DIS3L2: variants seen among roughly 807,000 people sequenced by gnomAD.
DIS3L2 encodes DIS3-like exonuclease 2.
DIS3L2 carries 34 observed loss-of-function variants against 97.5 expected under a neutral mutation model. That is an observed-to-expected ratio of 0.35 (90% CI 0.27 to 0.46). DIS3L2 has a LOEUF of 0.46. DIS3L2 is among the 20% of genes least tolerant of loss of function. DIS3L2 has a pLI of 1.00. For missense variants in DIS3L2, 1,038 were observed against 1,146.0 expected, an observed-to-expected ratio of 0.91 and a Z score of 1.36; for synonymous variants, 435 against 445.2, an observed-to-expected ratio of 0.98 and a Z score of 0.29.
chr2:232,087,230 T>C (rs1474166550), intron 5 of DIS3L2, among the ~76,000 whole-genome samples: 3 of 152,074 alleles, frequency 2.0e-5, no homozygotes. Flanking sequence ...AAAATGTAGA[T>C]CAGAAATATG....
intron 6 of DIS3L2, among the ~76,000 whole-genome samples, chr2:232,095,939 T>C (rs915621190): frequency 6.6e-5 from 10 of 152,096 alleles, no homozygotes; most frequent in African/African-American, 2.4e-4. Context: ...GTAGCTCCAT[T>C]GTATGTTTGT....
intron 19 of DIS3L2, 84 bp downstream of exon 19, chr2:232,334,819 A>T: frequency 8.2e-7 from 1 of 1,217,790 alleles, no homozygotes; most frequent in Non-Finnish European, 1.2e-6. Flanking sequence ...GATGGGTCAC[A>T]CTCCACCCCT....
At chr2:232,263,005 C>G (rs1276540429) in intron 12 of DIS3L2, among the ~76,000 whole-genome samples, 1 of 152,170 alleles carries the variant, frequency 6.6e-6, no homozygotes, top group East Asian at 1.9e-4. Flanking sequence ...AATTCCACGC[C>G]AGGTGGAGAC....
chr2:232,100,363 T>C (rs920153030), intron 6 of DIS3L2, among the ~76,000 whole-genome samples: 3 of 152,030 alleles, frequency 2.0e-5, no homozygotes, highest in African/African-American at 7.2e-5. Context: ...GTTGATGTTT[T>C]GTGTATCTTT....
chr2:232,339,703 G>A (rs775999401), downstream of DIS3L2: 36 of 456,256 alleles, frequency 7.9e-5, no homozygotes, highest in Non-Finnish European at 1.1e-4. Context: ...ATGCAGGGCC[G>A]GGGTGGGAAG....
intron 8 of DIS3L2, among the ~76,000 whole-genome samples, chr2:232,156,846 T>C (rs1002922825): frequency 6.6e-6 from 1 of 152,016 alleles, no homozygotes; most frequent in African/African-American, 2.4e-5. Context: ...ATGTGGTATA[T>C]CTCATTTTTA....
At chr2:232,220,234 G>A (rs1281211482) in intron 10 of DIS3L2, among the ~76,000 whole-genome samples, 1 of 152,088 alleles carries the variant, frequency 6.6e-6, no homozygotes, top group Non-Finnish European at 1.5e-5. Flanking sequence ...ACTTGAGCCT[G>A]GGGGTTCAAG....
chr2:232,086,366 T>G (rs1231604507), intron 5 of DIS3L2, among the ~76,000 whole-genome samples: 1 of 7,894 alleles, frequency 1.3e-4, no homozygotes. Flanking sequence ...TATGTGTATA[T>G]GTATATGTAT....
chr2:231,966,563 C>T (rs1408059578), intron 1 of DIS3L2, among the ~76,000 whole-genome samples: 1 of 149,954 alleles, frequency 6.7e-6, no homozygotes, highest in East Asian at 2.0e-4. Context: ...CTCCCAGGCT[C>T]GAGTGATCTT....
chr2:232,125,825 G>A (rs1407164377), intron 6 of DIS3L2, among the ~76,000 whole-genome samples: 1 of 152,142 alleles, frequency 6.6e-6, no homozygotes, highest in Non-Finnish European at 1.5e-5. Flanking sequence ...TATTCACAGT[G>A]TATGTTACCT....
intron 5 of DIS3L2, among the ~76,000 whole-genome samples, chr2:232,075,867 G>A (rs1696171268): frequency 6.6e-6 from 1 of 152,150 alleles, no homozygotes; most frequent in African/African-American, 2.4e-5. Context: ...CCAGGCACCT[G>A]TGCTAAGAGT....
intron 10 of DIS3L2, among the ~76,000 whole-genome samples, chr2:232,213,462 T>C (rs1197520504): frequency 3.9e-5 from 6 of 152,236 alleles, no homozygotes; most frequent in Admixed American, 1.3e-4. Flanking sequence ...ACAGTTGGCC[T>C]TTGTGACAAC....
At chr2:232,089,600 T>G (rs559936215) in intron 6 of DIS3L2, among the ~76,000 whole-genome samples, 3 of 152,306 alleles carry the variant, frequency 2.0e-5, no homozygotes, top group African/African-American at 4.8e-5. Flanking sequence ...GGAAGAGAGA[T>G]ATTCACAGGA....
At chr2:232,060,234 C>G (rs768068082) in intron 5 of DIS3L2, among the ~76,000 whole-genome samples, 17 of 152,150 alleles carry the variant, frequency 1.1e-4, no homozygotes, top group Non-Finnish European at 1.9e-4. Context: ...AGTTTTTTAA[C>G]TTGATGTGAT....
intron 5 of DIS3L2, among the ~76,000 whole-genome samples, chr2:232,063,982 A>G (rs1695784238): frequency 6.6e-6 from 1 of 152,068 alleles, no homozygotes; most frequent in Admixed American, 6.6e-5. Flanking sequence ...GGGTGTTTTT[A>G]TGGAGTTTTG....
At chr2:231,970,513 T>G (rs1414197366) in intron 1 of DIS3L2, among the ~76,000 whole-genome samples, 1 of 152,322 alleles carries the variant, frequency 6.6e-6, no homozygotes. Flanking sequence ...ATGCTAAGTA[T>G]TTATGTATCT....
intron 9 of DIS3L2, among the ~76,000 whole-genome samples, chr2:232,190,125 C>T (rs1691568221): frequency 6.6e-6 from 1 of 151,964 alleles, no homozygotes; most frequent in South Asian, 2.1e-4. Flanking sequence ...TGCAGGAGTT[C>T]GAGACCAGCC....
chr2:232,111,115 A>G, intron 6 of DIS3L2: 1 of 410,114 alleles, frequency 2.4e-6, no homozygotes, highest in Non-Finnish European at 5.0e-6. Flanking sequence ...ATCCTGGGCA[A>G]ATTTAAAAAG....
intron 5 of DIS3L2, among the ~76,000 whole-genome samples, chr2:232,035,087 T>C (rs943891857): frequency 1.3e-5 from 2 of 152,210 alleles, no homozygotes; most frequent in African/African-American, 4.8e-5. Flanking sequence ...TGTCTATTAT[T>C]GACAGTGGGG....
Sources: allele counts gnomAD v4.1 joint callset (sites outside exome capture counted in the v4.1 genomes callset), GRCh38; gene constraint gnomAD v4.1.1; transcripts MANE v1.5; gene names NCBI Gene and HGNC (gene_info 2026-07-23, HGNC 2026-07-21).